The following HEXB variants were observed in gnomAD, a reference collection of about 807,000 sequenced individuals.
The protein encoded by HEXB is hexosaminidase subunit beta, also known as beta-hexosaminidase subunit beta.
In HEXB, 51 loss-of-function variants were observed where a neutral mutation model predicts 71.2. The observed-to-expected ratio is 0.72, with a 90% CI of 0.57 to 0.90. The LOEUF (loss-of-function observed/expected upper bound fraction) is 0.90. HEXB is among the 40% of genes least tolerant of loss of function. The probability of loss-of-function intolerance (pLI) is 0.00; values close to 1 mark genes in which losing one functional copy is unlikely to be tolerated. For synonymous variants in HEXB, 266 were observed against 249.3 expected, an observed-to-expected ratio of 1.07 and a Z score of -0.63; for missense variants, 617 against 677.0, an observed-to-expected ratio of 0.91 and a Z score of 0.98.
At chr5:74,693,151 C>A (rs1190635816) in intron 2 of HEXB, among the ~76,000 whole-genome samples, 1 of 152,172 alleles carries the variant, frequency 6.6e-6, no homozygotes, top group Non-Finnish European at 1.5e-5. Context: ...AGTGGAGATA[C>A]TCTCTGGCCT....
rs576557488 is a variant in HEXB, at chr5:74,644,080, C to T, written c.-377+3522C>T. ...TGTCAAGTTCGTGTTGGGAAGTGGA[C>T]GCCCAGTCAGGGACCACACCTCCCA... On this transcript the variant is annotated intron_variant, in intron 1 of 13. Transcript: ENST00000511181. 3.7e-4 allele frequency among the ~76,000 whole-genome samples: 57 copies of T among 152,288 alleles called. No homozygotes were observed. In the South Asian group the frequency reaches 8.5e-3, roughly 23 times the overall value.
At chr5:74,658,493 A>C (rs926314685) in intron 1 of HEXB, among the ~76,000 whole-genome samples, 14 of 152,090 alleles carry the variant, frequency 9.2e-5, no homozygotes, top group African/African-American at 3.4e-4. Context: ...AACTGAGAGT[A>C]GAGGCTTTGG....
rs560770158 is a variant in HEXB at position 74,708,640 on chromosome 5, C to G, written c.771+3320C>G. 2.0e-4 allele frequency among the ~76,000 whole-genome samples: 31 copies of G among 152,052 alleles called. No homozygotes were observed. The South Asian group carries it at 6.2e-3, about 31-fold the overall frequency. On this transcript the variant is annotated intron_variant, in intron 6 of 13. Coordinates refer to ENST00000261416, the MANE Select transcript of HEXB (RefSeq NM_000521.4). ...AACAAAAAAAGTCAGGGGTTGCAATCCTAGTCTCTGATAAAACAGACTTTT... is the reference window on the plus strand; with the variant it reads ...AACAAAAAAAGTCAGGGGTTGCAATGCTAGTCTCTGATAAAACAGACTTTT...
chr5:74,651,957 C>T (rs1332262733), intron 1 of HEXB, among the ~76,000 whole-genome samples: 1 of 152,194 alleles, frequency 6.6e-6, no homozygotes. Flanking sequence ...TCCTCCTGGC[C>T]TGTGGTCAGG....
chr5:74,654,579 C>G (rs1748182088), intron 1 of HEXB, among the ~76,000 whole-genome samples: 2 of 152,214 alleles, frequency 1.3e-5, no homozygotes, highest in East Asian at 3.9e-4. Context: ...GAGAGACTTT[C>G]TAGGCAGATG....
intron 1 of HEXB, among the ~76,000 whole-genome samples, chr5:74,661,347 C>A (rs1748315545): frequency 1.3e-5 from 2 of 152,136 alleles, no homozygotes; most frequent in African/African-American, 4.8e-5. Flanking sequence ...AGGAGGCAAG[C>A]CAGCTGGGGA....
intron 5 of HEXB, among the ~76,000 whole-genome samples, chr5:74,700,979 A>T (rs1193920103): frequency 3.3e-5 from 5 of 152,010 alleles, no homozygotes; most frequent in African/African-American, 9.7e-5. Flanking sequence ...AAGTGCTGGG[A>T]TTACAGGCGT....
intron 2 of HEXB, among the ~76,000 whole-genome samples, chr5:74,692,178 G>A (rs1275494222): frequency 6.6e-6 from 1 of 152,086 alleles, no homozygotes; most frequent in Non-Finnish European, 1.5e-5. Context: ...GACCAATGGA[G>A]CAGTGAGCTC....
In HEXB at chr5:74,718,941, T is replaced by A; in HGVS notation, c.1387T>A (p.Tyr463Asn). The A allele has an allele frequency of 1.2e-6, 2 of 1,614,126 alleles. No homozygotes were observed. The highest frequency in any genetic ancestry group is 1.7e-6 in the Non-Finnish European group (2 of 1,180,014). ...LISYGQDWRK[Y>N]YKVEPLDFGG... Reference sequence around the variant, plus strand: ...TAGCTATGGACAAGATTGGAGGAAATACTATAAAGTGGAACCTCTTGATTT... The same window carrying A: ...TAGCTATGGACAAGATTGGAGGAAAAACTATAAAGTGGAACCTCTTGATTT... The change falls in exon 11 of 14, where the codon TAC (tyrosine) becomes AAC (asparagine). Residue 463 changes from tyrosine to asparagine, a missense_variant. Tyr to Asn is a moderately radical substitution (Grantham distance 143, BLOSUM62 -2). Coordinates refer to ENST00000261416, the MANE Select transcript of HEXB (RefSeq NM_000521.4).
intron 1 of HEXB, among the ~76,000 whole-genome samples, chr5:74,645,905 G>T (rs967946069): frequency 6.6e-6 from 1 of 152,266 alleles, no homozygotes; most frequent in Admixed American, 6.5e-5. Flanking sequence ...TGGAGATAAT[G>T]ACACTCATTA....
At chr5:74,706,877 C>T (rs1429184935) in intron 6 of HEXB, among the ~76,000 whole-genome samples, 2 of 152,190 alleles carry the variant, frequency 1.3e-5, no homozygotes, top group African/African-American at 4.8e-5. Flanking sequence ...AGGGCACAGA[C>T]AAACAAAAAG....
At chr5:74,664,909 G>A (rs1041098007) in intron 1 of HEXB, among the ~76,000 whole-genome samples, 47 of 152,160 alleles carry the variant, frequency 3.1e-4, no homozygotes, top group East Asian at 3.8e-4. Flanking sequence ...TCACACTCTC[G>A]TTGTGGGAGG....
chr5:74,669,982 G>A (rs943248492), intron 1 of HEXB, among the ~76,000 whole-genome samples: 3 of 152,142 alleles, frequency 2.0e-5, no homozygotes, highest in Non-Finnish European at 4.4e-5. Context: ...GCAGCAGGAG[G>A]CAGACCAATC....
chr5:74,698,542 C>A lies in HEXB; in HGVS notation c.669+1436C>A, dbSNP rs934825731. On this transcript the variant is annotated intron_variant, in intron 5 of 13. Transcript: ENST00000261416. The stretch of plus-strand genomic sequence containing the variant: ...GAGTAGCTGGGATTACAGGTGCACA[C>A]CACCACACCCAGCTAATTTTTGTAT... Among the ~76,000 whole-genome samples the A allele has an allele frequency of 2.6e-5, 4 of 152,030 alleles. No homozygotes were observed. In the East Asian group the frequency reaches 7.8e-4, roughly 30 times the overall value.
chr5:74,671,357 G>T (rs1580370161), intron 1 of HEXB, among the ~76,000 whole-genome samples: 4 of 152,078 alleles, frequency 2.6e-5, no homozygotes, highest in Admixed American at 2.6e-4. Context: ...ATAAACTGTG[G>T]ATACGCACTA....
intron 1 of HEXB, among the ~76,000 whole-genome samples, chr5:74,670,842 T>C (rs1055114179): frequency 6.6e-6 from 1 of 152,012 alleles, no homozygotes; most frequent in African/African-American, 2.4e-5. Context: ...CTGTGCTGCT[T>C]GGAACAATTG....
upstream of HEXB, chr5:74,685,054 C>T (rs972791936): frequency 3.6e-6 from 2 of 548,868 alleles, no homozygotes; most frequent in East Asian, 6.7e-5. Flanking sequence ...CCGAGGGCAC[C>T]CCTGGAGGAA....
intron 5 of HEXB, among the ~76,000 whole-genome samples, chr5:74,704,818 G>C (rs1018006517): frequency 6.6e-6 from 1 of 152,166 alleles, no homozygotes; most frequent in Admixed American, 6.6e-5. Flanking sequence ...TTAGCCAGGT[G>C]TGGTGGCTCA....
At chr5:74,718,505 T>G (rs1749731194) in intron 10 of HEXB, 142 bp downstream of exon 10, 1 of 757,418 alleles carries the variant, frequency 1.3e-6, no homozygotes, top group African/African-American at 1.8e-5. Flanking sequence ...AGTTCCAAGC[T>G]AGGTTTGGTA....
Sources: allele counts gnomAD v4.1 joint callset (sites outside exome capture counted in the v4.1 genomes callset), GRCh38; gene constraint gnomAD v4.1.1; transcripts MANE v1.5; gene names NCBI Gene and HGNC (gene_info 2026-07-23, HGNC 2026-07-21).